The following BABAM2 variants were observed in gnomAD, a reference collection of about 807,000 sequenced individuals.
BABAM2 encodes BRISC and BRCA1-A complex member 2.
In BABAM2, 31 loss-of-function variants were observed where a neutral mutation model predicts 54.7. That is an observed-to-expected ratio of 0.57 (90% CI 0.43 to 0.77). BABAM2 has a LOEUF of 0.77. BABAM2 is among the 30% of genes least tolerant of loss of function. The pLI is 0.00. For synonymous variants in BABAM2, 167 were observed against 162.9 expected, an observed-to-expected ratio of 1.03 and a Z score of -0.19; for missense variants, 364 against 455.8, an observed-to-expected ratio of 0.80 and a Z score of 1.83.
At chr2:27,936,960 ATAAAT>A (rs914568213) in intron 3 of BABAM2, among the ~76,000 whole-genome samples, 21 of 144,834 alleles carry the variant, frequency 1.4e-4, no homozygotes, top group Non-Finnish European at 1.3e-4. Flanking sequence ...ATAATAACAA[ATAAAT>A]TAAAAAAAAT....
At chr2:28,091,494 A>G (rs1159913851) in intron 6 of BABAM2, among the ~76,000 whole-genome samples, 5 of 152,192 alleles carry the variant, frequency 3.3e-5, no homozygotes, top group Non-Finnish European at 7.3e-5. Context: ...TGACCTATTC[A>G]TCCGTCTTTA....
At chr2:28,201,055 G>A (rs11674073) in intron 7 of BABAM2, among the ~76,000 whole-genome samples, 26,980 of 152,192 alleles carry the variant, frequency 0.18, 2,560 homozygotes, top group African/African-American at 0.23. Context: ...ACAGGCATGA[G>A]CCACCATGCC....
At chr2:28,016,610 G>A (rs2148544634) in intron 4 of BABAM2, 1 of 495,142 alleles carries the variant, frequency 2.0e-6, no homozygotes, top group East Asian at 3.9e-5. Context: ...CTGTGTTTTA[G>A]ACTGCAATGA....
intron 6 of BABAM2, among the ~76,000 whole-genome samples, chr2:28,112,146 T>TTTCTTTC (rs1344247281): frequency 0.048 from 506 of 10,538 alleles, 120 homozygotes; most frequent in South Asian, 0.079. Context: ...TCTTTCTTTC[T>TTTCTTTC]TTACCTCCCT....
chr2:28,226,939 C>G (rs1352085332), intron 7 of BABAM2, among the ~76,000 whole-genome samples: 1 of 151,978 alleles, frequency 6.6e-6, no homozygotes, highest in Non-Finnish European at 1.5e-5. Context: ...GTCTGGGAAC[C>G]AAGAGATAGA....
At chr2:28,230,875 A>C (rs978803057) in intron 7 of BABAM2, among the ~76,000 whole-genome samples, 1 of 152,180 alleles carries the variant, frequency 6.6e-6, no homozygotes, top group African/African-American at 2.4e-5. Flanking sequence ...AGATGATAAA[A>C]AGTGAGATGA....
intron 7 of BABAM2, among the ~76,000 whole-genome samples, chr2:28,155,311 T>C (rs1426901058): frequency 1.3e-5 from 2 of 152,224 alleles, no homozygotes; most frequent in East Asian, 3.8e-4. Context: ...GGATGATTTA[T>C]GGTGGCTTTT....
intron 3 of BABAM2, among the ~76,000 whole-genome samples, chr2:27,969,238 T>C (rs72812527): frequency 0.084 from 12,772 of 152,118 alleles, 843 homozygotes; most frequent in African/African-American, 0.18. Context: ...AAACTGTGAG[T>C]TCTCCATTAA....
intron 10 of BABAM2, among the ~76,000 whole-genome samples, chr2:28,290,676 G>A (rs1204111083): frequency 1.3e-5 from 2 of 152,182 alleles, no homozygotes; most frequent in Non-Finnish European, 2.9e-5. Flanking sequence ...ACCTGGGGAG[G>A]CGAATTAAAA....
At chr2:28,069,521 T>C (rs1011760910) in intron 6 of BABAM2, among the ~76,000 whole-genome samples, 2 of 152,194 alleles carry the variant, frequency 1.3e-5, no homozygotes, top group Non-Finnish European at 2.9e-5. Flanking sequence ...TAGGCCTTCT[T>C]TCTAGAGAGC....
intron 7 of BABAM2, among the ~76,000 whole-genome samples, chr2:28,158,165 T>C (rs1672729636): frequency 6.6e-6 from 1 of 152,210 alleles, no homozygotes; most frequent in Non-Finnish European, 1.5e-5. Flanking sequence ...AAGAGCAATG[T>C]TGTTCAGTTT....
At chr2:28,091,657 G>T (rs769736011) in intron 6 of BABAM2, among the ~76,000 whole-genome samples, 1 of 152,236 alleles carries the variant, frequency 6.6e-6, no homozygotes, top group Middle Eastern at 3.4e-3. Context: ...GAGTCTTAGA[G>T]AACTATAAAG....
At chr2:28,004,747 C>T (rs185255811) in intron 4 of BABAM2, among the ~76,000 whole-genome samples, 18 of 150,052 alleles carry the variant, frequency 1.2e-4, no homozygotes, top group East Asian at 9.8e-4. Flanking sequence ...GGAAGTGTGG[C>T]GGCACAATCA....
intron 7 of BABAM2, among the ~76,000 whole-genome samples, chr2:28,176,461 T>C (rs1025530410): frequency 6.8e-6 from 1 of 147,930 alleles, no homozygotes; most frequent in African/African-American, 2.5e-5. Context: ...TCCCAGCTAC[T>C]TGGGAGGCTG....
chr2:28,144,649 G>A (rs1481662625), intron 7 of BABAM2, among the ~76,000 whole-genome samples: 4 of 152,130 alleles, frequency 2.6e-5, no homozygotes, highest in Non-Finnish European at 4.4e-5. Context: ...GATGTCCACC[G>A]GCCATGGCAG....
chr2:28,081,358 C>T (rs1279022913), intron 6 of BABAM2, among the ~76,000 whole-genome samples: 1 of 152,196 alleles, frequency 6.6e-6, no homozygotes, highest in Non-Finnish European at 1.5e-5. Context: ...TTGTTGTAGG[C>T]AGGCTAGAGC....
chr2:28,094,398 G>T (rs1666423439), intron 6 of BABAM2, among the ~76,000 whole-genome samples: 1 of 152,072 alleles, frequency 6.6e-6, no homozygotes, highest in Non-Finnish European at 1.5e-5. Context: ...GATTGAGTTT[G>T]CCACAGAAGT....
intron 10 of BABAM2, among the ~76,000 whole-genome samples, chr2:28,269,470 C>G (rs973046895): frequency 6.6e-5 from 10 of 152,176 alleles, no homozygotes; most frequent in African/African-American, 2.4e-4. Context: ...TTATTGCAAC[C>G]CAGATAGTTA....
chr2:28,129,105 C>G (rs530520330), intron 6 of BABAM2, among the ~76,000 whole-genome samples, 166 bp from the exon 7 acceptor site: 16 of 152,226 alleles, frequency 1.1e-4, no homozygotes, highest in Admixed American at 1.3e-4. Flanking sequence ...ATCCATCCCT[C>G]TAGAGGAGTG....
Sources: allele counts gnomAD v4.1 joint callset (sites outside exome capture counted in the v4.1 genomes callset), GRCh38; gene constraint gnomAD v4.1.1; transcripts MANE v1.5; gene names NCBI Gene and HGNC (gene_info 2026-07-23, HGNC 2026-07-21).